DPH6: variants seen among roughly 807,000 people sequenced by gnomAD.
DPH6 encodes diphthine--ammonia ligase.
In DPH6, 33 loss-of-function variants were observed where a neutral mutation model predicts 38.2. The ratio of observed to expected loss-of-function variants is 0.86; its 90% confidence interval spans 0.65 to 1.15. The LOEUF (loss-of-function observed/expected upper bound fraction) is 1.15. Ranked by LOEUF, DPH6 falls within the 50% of genes most tolerant of loss-of-function variation. The pLI is 0.00. For missense variants in DPH6, 325 were observed against 320.0 expected, an observed-to-expected ratio of 1.02 and a Z score of -0.12; for synonymous variants, 108 against 103.0, an observed-to-expected ratio of 1.05 and a Z score of -0.30.
the DPH6 span, among the ~76,000 whole-genome samples, chr15:35,150,392 A>G: frequency 2.0e-5 from 3 of 152,358 alleles, no homozygotes; most frequent in East Asian, 3.9e-4. Context: ...GGCAGTAGAC[A>G]GTAAGAATTT....
At chr15:35,285,171 T>C (rs2051932239) in intron 3 of DPH6, among the ~76,000 whole-genome samples, 1 of 152,162 alleles carries the variant, frequency 6.6e-6, no homozygotes, top group Non-Finnish European at 1.5e-5. Flanking sequence ...AAAAAAATTG[T>C]ATCTAAAATA....
At chr15:35,492,651 C>A (rs1778145592) in intron 3 of DPH6, among the ~76,000 whole-genome samples, 1 of 152,122 alleles carries the variant, frequency 6.6e-6, no homozygotes, top group Non-Finnish European at 1.5e-5. Flanking sequence ...TGCTCTCTGC[C>A]AGGTATTTAA....
intron 5 of DPH6, among the ~76,000 whole-genome samples, chr15:35,446,474 C>T (rs1566912767): frequency 1.3e-5 from 2 of 152,026 alleles, no homozygotes; most frequent in Admixed American, 1.3e-4. Flanking sequence ...CGATCTTGGG[C>T]TCCTAAAGTC....
chr15:35,392,686 T>C (rs1426063123), intron 6 of DPH6, among the ~76,000 whole-genome samples: 2 of 152,146 alleles, frequency 1.3e-5, no homozygotes, highest in East Asian at 1.9e-4. Context: ...AATTACAATA[T>C]AGGGTAGTGA....
chr15:35,233,683 A>G (rs2051533718), intron 3 of DPH6, among the ~76,000 whole-genome samples: 1 of 152,138 alleles, frequency 6.6e-6, no homozygotes, highest in South Asian at 2.1e-4. Context: ...GACAAGCACA[A>G]AGGTCTTGGA....
In DPH6 at chr15:35,371,984, T is replaced by G; in HGVS notation, c.*166A>C. On this transcript the variant is annotated 3_prime_UTR_variant, in exon 9 of 9. Transcript: ENST00000256538. ...ATTAATGAACATGCCGTCGACATTT[T>G]CCCAATTAATAAATGGTTCCACTAA... The G allele has an allele frequency of 7.5e-7, 1 of 1,328,362 alleles. No individual in the cohort carries two copies. The highest frequency in any genetic ancestry group is 9.6e-7 in the Non-Finnish European group (1 of 1,037,598). The allele number at this position is 1,328,362 out of a possible 1,614,324, so 82.3% of individuals were successfully genotyped here.
At chr15:35,390,896 C>T (rs1161831816) in intron 6 of DPH6, among the ~76,000 whole-genome samples, 2 of 152,154 alleles carry the variant, frequency 1.3e-5, no homozygotes, top group African/African-American at 2.4e-5. Context: ...GAGCTGCATT[C>T]CTTTGGAGGA....
intron 2 of DPH6, among the ~76,000 whole-genome samples, chr15:35,540,651 AT>A (rs1403946579): frequency 6.6e-6 from 1 of 151,838 alleles, no homozygotes; most frequent in African/African-American, 2.4e-5. Context: ...TTACTATCAA[AT>A]TTTTTCTCAC....
intron 3 of DPH6, chr15:35,521,482 T>C: frequency 8.3e-7 from 1 of 1,204,624 alleles, no homozygotes; most frequent in Non-Finnish European, 1.0e-6. Context: ...ACAAAATTAA[T>C]GCTTACAACA....
chr15:35,411,512 G>T (rs969082152), intron 5 of DPH6, among the ~76,000 whole-genome samples: 15 of 151,648 alleles, frequency 9.9e-5, no homozygotes, highest in Non-Finnish European at 1.2e-4. Context: ...CCAATAGCGT[G>T]TGCGTAACCT....
At chr15:35,535,970 C>T (rs1348127597) in intron 3 of DPH6, among the ~76,000 whole-genome samples, 1 of 151,968 alleles carries the variant, frequency 6.6e-6, no homozygotes, top group Non-Finnish European at 1.5e-5. Flanking sequence ...GAAAATGTTA[C>T]AAAAACAAGA....
At chr15:35,428,326 AGC>A (rs2141027044) in intron 5 of DPH6, among the ~76,000 whole-genome samples, 1 of 152,150 alleles carries the variant, frequency 6.6e-6, no homozygotes, top group East Asian at 1.9e-4. Flanking sequence ...CTGTCTTCAG[AGC>A]CAGTTGCATA....
rs559590794 is a variant in DPH6, at chr15:35,374,083, G to A, written c.663-475C>T. Reference sequence around the variant, plus strand: ...AAGCTCTAGATGAACTCTTCACACTGCAGTATCATTGCTATTAAAATTGAT... The same window carrying A: ...AAGCTCTAGATGAACTCTTCACACTACAGTATCATTGCTATTAAAATTGAT... On this transcript the variant is annotated intron_variant, in intron 7 of 8. Transcript: ENST00000256538. Among the ~76,000 whole-genome samples the A allele has an allele frequency of 2.0e-5, 3 of 152,076 alleles. No homozygotes were observed. In the South Asian group the frequency reaches 6.2e-4, roughly 32 times the overall value.
intron 3 of DPH6, among the ~76,000 whole-genome samples, chr15:35,496,528 C>A (rs1473359889): frequency 1.0e-5 from 1 of 100,470 alleles, no homozygotes; most frequent in Non-Finnish European, 1.9e-5. Flanking sequence ...GCACTCCGGC[C>A]TAGGCAACAA....
rs529618611 is a variant in DPH6, at chr15:35,540,338, G to A, written c.119-1871C>T. On this transcript the variant is annotated intron_variant, in intron 2 of 8. Coordinates refer to ENST00000256538, the MANE Select transcript of DPH6 (RefSeq NM_080650.4). ...GTTTTGTGAATTTTATGACAAGTTC[G>A]CATTATCCTCATTGATGGGAATAAA... is the stretch of plus-strand genomic sequence containing the variant. Among the ~76,000 whole-genome samples, 6 of 152,110 alleles carry A rather than the reference G, an allele frequency of 3.9e-5. No homozygotes were observed. The South Asian group carries it at 1.2e-3, about 32-fold the overall frequency.
downstream of DPH6, among the ~76,000 whole-genome samples, chr15:35,216,358 T>A (rs1441766481): frequency 6.6e-6 from 1 of 152,236 alleles, no homozygotes; most frequent in Non-Finnish European, 1.5e-5. Context: ...TTTGTTTTCT[T>A]TATATACTTG....
intron 3 of DPH6, among the ~76,000 whole-genome samples, chr15:35,474,288 AT>A (rs2054238308): frequency 6.6e-6 from 1 of 152,126 alleles, no homozygotes. Context: ...TGATCTACAT[AT>A]TACTGCCTGA....
the DPH6 span, among the ~76,000 whole-genome samples, chr15:35,209,585 C>T: frequency 6.6e-6 from 1 of 152,016 alleles, no homozygotes; most frequent in Non-Finnish European, 1.5e-5. Flanking sequence ...AAATTGCCTC[C>T]CTCACCAGAA....
chr15:35,286,303 T>C (rs1238399142), intron 3 of DPH6, among the ~76,000 whole-genome samples: 1 of 152,180 alleles, frequency 6.6e-6, no homozygotes, highest in Non-Finnish European at 1.5e-5. Context: ...AATAAGCTAA[T>C]TCCTTTAGCT....
Sources: allele counts gnomAD v4.1 joint callset (sites outside exome capture counted in the v4.1 genomes callset), GRCh38; gene constraint gnomAD v4.1.1; transcripts MANE v1.5; gene names NCBI Gene and HGNC (gene_info 2026-07-23, HGNC 2026-07-21).